The following PCDHGB3 variants were observed in gnomAD, a reference collection of about 807,000 sequenced individuals.
The protein encoded by PCDHGB3 is protocadherin gamma subfamily B, 3, also known as protocadherin gamma-B3.
PCDHGB3 carries 40 observed loss-of-function variants against 59.2 expected under a neutral mutation model. The ratio of observed to expected loss-of-function variants is 0.68; its 90% CI spans 0.52 to 0.88. The LOEUF is 0.88. PCDHGB3 is among the 40% of genes least tolerant of loss of function. PCDHGB3 has a pLI of 0.00. For synonymous variants in PCDHGB3, 581 were observed against 503.6 expected (o/e 1.15, Z -2.06); for missense variants, 1,309 against 1,187.9 (o/e 1.10, Z -1.50).
chr5:141,494,815 G>T lies in PCDHGB3; in HGVS notation c.2424G>T (p.Pro808=). The change falls in exon 2 of 4, where the codon CCG becomes CCT. Residue 808 remains proline, a synonymous_variant. Transcript: ENST00000576222. ...CTCTGTTTTCTCCACAGCAAGCCCC[G>T]CCCAACACGGACTGGCGTTTCTCTC... The part of the protein sequence containing the change: ...SNSGNLQKQA[P]PNTDWRFSQA... 1.2e-6 allele frequency: 2 copies of T among 1,613,976 alleles called. No individual in the cohort carries two copies. The highest frequency in any genetic ancestry group is 1.1e-5 in the South Asian group (1 of 91,072).
intron 1 of PCDHGB3, among the ~76,000 whole-genome samples, chr5:141,436,517 G>A (rs1398225419): frequency 1.3e-5 from 2 of 152,130 alleles, no homozygotes; most frequent in African/African-American, 4.8e-5. Flanking sequence ...TGTTAACTGT[G>A]TCACCTTTAG....
intron 1 of PCDHGB3, chr5:141,400,024 G>C (rs2093943300): frequency 6.2e-7 from 1 of 1,612,894 alleles, no homozygotes; most frequent in Non-Finnish European, 8.5e-7. Flanking sequence ...CGACAGGGAC[G>C]CGGCCCGCCA....
At chr5:141,414,508 C>T in intron 1 of PCDHGB3, 1 of 1,613,970 alleles carries the variant, frequency 6.2e-7, no homozygotes, top group Non-Finnish European at 8.5e-7. Context: ...CTTTATGCTA[C>T]AAGTGGCAGA....
In PCDHGB3 at chr5:141,490,274, A is replaced by G. The variant is rs1285515971; in HGVS notation, c.2416-4533A>G. The G allele has an allele frequency of 6.2e-7, 1 of 1,614,228 alleles. No individual in the cohort carries two copies. Among genetic ancestry groups the G allele is most frequent in the Non-Finnish European group, 8.5e-7 (1 of 1,180,038 alleles). On this transcript the variant is annotated intron_variant, in intron 1 of 3. Transcript: ENST00000576222. This position sits in a 1 kb window ranked among gnomAD's most constrained non-coding sequence, Gnocchi z 5.4. ...CAAGTGGATGTGGGGGATGTCAATGACAATGCCCCAGAGGTGCTATTGGCC... is the reference window on the plus strand; with the variant it reads ...CAAGTGGATGTGGGGGATGTCAATGGCAATGCCCCAGAGGTGCTATTGGCC...
At chr5:141,405,355 A>G in intron 1 of PCDHGB3, 2 of 1,613,990 alleles carry the variant, frequency 1.2e-6, no homozygotes, top group South Asian at 1.1e-5. Flanking sequence ...AGTTTCCTAT[A>G]GAAGACACCC....
intron 1 of PCDHGB3, among the ~76,000 whole-genome samples, chr5:141,451,298 C>T (rs1221562397): frequency 6.6e-6 from 1 of 152,206 alleles, no homozygotes; most frequent in African/African-American, 2.4e-5. Context: ...CAAAGTCTTA[C>T]AAGGCAGCAA....
At chr5:141,399,380 T>A (rs1361218028) in intron 1 of PCDHGB3, 5 of 1,613,820 alleles carry the variant, frequency 3.1e-6, no homozygotes, top group Non-Finnish European at 4.2e-6. Context: ...AATGTCACCA[T>A]CACAGCCACA....
Position 141,431,442 on chromosome 5 carries a change from T to G in PCDHGB3, c.2415+58633T>G. 6.2e-7 allele frequency: 1 copy of G among 1,613,746 alleles called. No individual in the cohort carries two copies. The highest frequency in any genetic ancestry group is 1.7e-5 in the Admixed American group (1 of 60,014). The stretch of plus-strand genomic sequence containing the variant: ...CCGGTGCGCACAGGCACCGCGCGCA[T>G]CCGCGTGATGGTTCTGGATGCGAAC... On this transcript the variant is annotated intron_variant, in intron 1 of 3. Coordinates refer to ENST00000576222, the MANE Select transcript of PCDHGB3 (RefSeq NM_018924.5). This position sits in a 1 kb window ranked among gnomAD's most constrained non-coding sequence, Gnocchi z 4.8.
Position 141,512,931 on chromosome 5 carries a change from C to T in PCDHGB3, c.*1758C>T, listed in dbSNP as rs2099884512. On this transcript the variant is annotated 3_prime_UTR_variant, in exon 4 of 4. Transcript: ENST00000576222. ...GTTTTATACTCTAATATTTATATGG[C>T]TTTTTTTCTTCGACAAAAAAATAAT... The T allele has an allele frequency of 6.6e-6, 1 of 152,006 alleles. No homozygotes were observed. The highest frequency in any genetic ancestry group is 2.4e-5 in the African/African-American group (1 of 41,414). The allele number at this position is 152,006 out of a possible 1,614,324, so 9.4% of individuals were successfully genotyped here.
At chr5:141,507,797 C>T (rs933921827) in intron 3 of PCDHGB3, among the ~76,000 whole-genome samples, 3 of 152,240 alleles carry the variant, frequency 2.0e-5, no homozygotes, top group Non-Finnish European at 2.9e-5. Flanking sequence ...TCTAAGCCTG[C>T]GCCCTGGGGA....
chr5:141,408,328 C>A, intron 1 of PCDHGB3: 1 of 1,613,910 alleles, frequency 6.2e-7, no homozygotes, highest in South Asian at 1.1e-5. Flanking sequence ...AGGAGCTGGC[C>A]AAGGGCTCGG....
At position 141,432,881 on chromosome 5, in the gene PCDHGB3, G is replaced by A; in HGVS notation, c.2415+60072G>A. On this transcript the variant is annotated intron_variant, in intron 1 of 3. Coordinates refer to ENST00000576222, the MANE Select transcript of PCDHGB3 (RefSeq NM_018924.5). This position sits in a 1 kb window ranked among gnomAD's most constrained non-coding sequence, Gnocchi z 6.0. ...GGTCTCCTGCGTCTTCCTGGCCTTC[G>A]TCATCTTGCTGCTGGCGCTCAGGCT... 6.2e-7 allele frequency: 1 copy of A among 1,614,170 alleles called. No homozygotes were observed. The highest frequency in any genetic ancestry group is 1.1e-5 in the South Asian group (1 of 91,088).
rs1188941232 is a variant in PCDHGB3, at chr5:141,512,270, G to A, written c.*1097G>A. ...TCTGTGGGTGCTGGGTACTCCAGAG[G>A]TGCCACTGGTGGAAGGGTCAGCGGA... On this transcript the variant is annotated 3_prime_UTR_variant, in exon 4 of 4. Coordinates refer to ENST00000576222, the MANE Select transcript of PCDHGB3 (RefSeq NM_018924.5). The A allele has an allele frequency of 1.3e-5, 2 of 152,714 alleles. No individual in the cohort carries two copies. The highest frequency in any genetic ancestry group is 2.9e-5 in the Non-Finnish European group (2 of 68,100). The allele number at this position is 152,714 out of a possible 1,614,324, so 9.5% of individuals were successfully genotyped here.
chr5:141,375,010 T>C (rs1771037027), intron 1 of PCDHGB3: 3 of 1,613,932 alleles, frequency 1.9e-6, no homozygotes, highest in Non-Finnish European at 1.7e-6. Context: ...ATCTAGACTA[T>C]GAGGACTCGA....
chr5:141,391,899 T>G (rs1283624057), intron 1 of PCDHGB3: 2 of 152,212 alleles, frequency 1.3e-5, no homozygotes, highest in Non-Finnish European at 2.9e-5. Flanking sequence ...GGATGGAGCT[T>G]TGCTTTTTAT....
At chr5:141,388,715 T>A (rs2091466126) in intron 1 of PCDHGB3, 1 of 1,613,878 alleles carries the variant, frequency 6.2e-7, no homozygotes, top group Non-Finnish European at 8.5e-7. Flanking sequence ...ATGCCGAGAT[T>A]ACTTTCTCTT....
intron 1 of PCDHGB3, among the ~76,000 whole-genome samples, chr5:141,452,114 A>C (rs1443131264): frequency 1.3e-5 from 2 of 152,098 alleles, no homozygotes; most frequent in Admixed American, 1.3e-4. Flanking sequence ...TTCTCTTCTT[A>C]TTTATTCATA....
At chr5:141,388,497 C>T (rs2091382933) in intron 1 of PCDHGB3, 34 of 1,613,702 alleles carry the variant, frequency 2.1e-5, no homozygotes, top group Middle Eastern at 1.6e-4. Flanking sequence ...CAGAGAAAAG[C>T]AGAAATCCTA....
intron 1 of PCDHGB3, among the ~76,000 whole-genome samples, chr5:141,456,306 G>A (rs937409031): frequency 4.6e-5 from 7 of 152,158 alleles, no homozygotes; most frequent in Admixed American, 2.6e-4. Context: ...GAGAACAGCA[G>A]CTAGGGCTCC....
Sources: gnomAD v4.1 joint callset for allele counts (sites outside exome capture counted in the v4.1 genomes callset) on GRCh38, gnomAD v4.1.1 for gene constraint, Gnocchi (gnomAD v3.1) non-coding constraint, MANE v1.5 for transcripts, NCBI Gene and HGNC (gene_info 2026-07-23, HGNC 2026-07-21) for gene names.